GOLIM4: variants seen among roughly 807,000 people sequenced by gnomAD.
GOLIM4 encodes the protein golgi integral membrane protein 4, also known as 130 kDa golgi-localized phosphoprotein.
Under a neutral mutation model 107.4 loss-of-function variants are expected in GOLIM4, and 71 were observed. The ratio of observed to expected loss-of-function variants is 0.66; its 90% CI spans 0.55 to 0.81. The LOEUF is 0.81. Among genes scored for constraint, GOLIM4 ranks in the 30% least tolerant of loss-of-function variants. The probability of loss-of-function intolerance (pLI) is 0.00; values close to 1 mark genes in which losing one functional copy is unlikely to be tolerated. For missense variants in GOLIM4, 830 were observed against 826.1 expected, an observed-to-expected ratio of 1.00 and a Z score of -0.06; for synonymous variants, 327 against 294.8, an observed-to-expected ratio of 1.11 and a Z score of -1.12.
At chr3:168,049,622 A>G (rs1458210943) in intron 1 of GOLIM4, among the ~76,000 whole-genome samples, 1 of 152,104 alleles carries the variant, frequency 6.6e-6, no homozygotes, top group African/African-American at 2.4e-5. Flanking sequence ...AGCATCAATC[A>G]CTGGTTGACC....
At position 168,061,075 on chromosome 3, in the gene GOLIM4, T is replaced by C. The variant is rs575519259; in HGVS notation, c.188-12710A>G. 2.6e-5 allele frequency among the ~76,000 whole-genome samples: 4 copies of C among 151,974 alleles called. No homozygotes were observed. The South Asian group carries it at 8.3e-4, about 32-fold the overall frequency. On this transcript the variant is annotated intron_variant, in intron 1 of 15. Coordinates refer to ENST00000470487, the MANE Select transcript of GOLIM4 (RefSeq NM_014498.5). ...TGTTTGAATATAACATGACCTTCAG[T>C]TTTGCCAATAAAGCAAGCATATTAA...
At chr3:168,091,883 C>T (rs566439527) in intron 1 of GOLIM4, among the ~76,000 whole-genome samples, 1 of 152,290 alleles carries the variant, frequency 6.6e-6, no homozygotes, top group Non-Finnish European at 1.5e-5. Context: ...TAATCACATA[C>T]TCAGATAAAA....
At chr3:168,038,067 C>T (rs780009367) in intron 7 of GOLIM4, among the ~76,000 whole-genome samples, 5 of 152,136 alleles carry the variant, frequency 3.3e-5, no homozygotes, top group Admixed American at 6.6e-5. Flanking sequence ...GAGTGAGGTG[C>T]TTTTTTTGCT....
chr3:168,079,437 G>A (rs964054887), intron 1 of GOLIM4, among the ~76,000 whole-genome samples: 4 of 152,186 alleles, frequency 2.6e-5, no homozygotes, highest in African/African-American at 9.6e-5. Flanking sequence ...GTGCAAGAGA[G>A]CTTCTGGGGT....
At position 168,048,321 on chromosome 3, in the gene GOLIM4, C is replaced by A. The variant is rs780432781; in HGVS notation, c.232G>T (p.Glu78Ter). The A allele has an allele frequency of 6.5e-7, 1 of 1,536,560 alleles. No homozygotes were observed. ...TTTGCTTTTTTATGTTCAAGTCTTT[C>A]TTTTTGCAAGGATTTCTCTAATCTT... ...RSRLEKSLQK[E>*]RLEHKKAKED... is the part of the protein sequence containing the mutation. The change falls in exon 2 of 16, where the codon GAA becomes TAA. Residue 78 changes from glutamate to a stop codon, truncating the protein, a stop_gained. Transcript: ENST00000470487. LOFTEE classifies it high-confidence loss of function.
At chr3:168,057,558 C>A (rs759746554) in intron 1 of GOLIM4, among the ~76,000 whole-genome samples, 1 of 152,144 alleles carries the variant, frequency 6.6e-6, no homozygotes, top group Admixed American at 6.5e-5. Flanking sequence ...AACTCCCTCA[C>A]TATTACGAGA....
rs985287395 is a variant in GOLIM4, at chr3:168,024,679, C to A, written c.1792-85G>T. ...TACTCTGGGACAAAGAACAAGCATG[C>A]CACCATGAAAAGGGCACTTTCAAAG... is the stretch of plus-strand genomic sequence containing the variant. On this transcript the variant is annotated intron_variant, in intron 13 of 15. Transcript: ENST00000470487. The A allele has an allele frequency of 5.2e-6, 6 of 1,156,280 alleles. No homozygotes were observed. In the East Asian group the frequency reaches 7.0e-5, roughly 14 times the overall value. The allele number at this position is 1,156,280 out of a possible 1,614,324, so 71.6% of individuals were successfully genotyped here. A position where few individuals can be genotyped will look rare whatever the true frequency, so the allele number is the denominator to read the frequency against.
At chr3:168,088,594 A>G (rs1389763537) in intron 1 of GOLIM4, among the ~76,000 whole-genome samples, 1 of 152,184 alleles carries the variant, frequency 6.6e-6, no homozygotes, top group Admixed American at 6.5e-5. Context: ...TGCCCCAACC[A>G]GCTCTCCAGT....
At chr3:168,017,965 T>C (rs77433571) in intron 14 of GOLIM4, among the ~76,000 whole-genome samples, 2,073 of 152,306 alleles carry the variant, frequency 0.014, 36 homozygotes, top group African/African-American at 0.047. Context: ...TTGTGCTAAA[T>C]AGTCTCTATT....
At chr3:168,072,763 G>T (rs910259682) in intron 1 of GOLIM4, among the ~76,000 whole-genome samples, 1 of 151,868 alleles carries the variant, frequency 6.6e-6, no homozygotes, top group Non-Finnish European at 1.5e-5. Flanking sequence ...ATGAGAGGAA[G>T]GCAGAATTAT....
chr3:168,047,029 G>A (rs1489468280), intron 2 of GOLIM4, 30 bp from the exon 3 acceptor site: 1 of 1,012,480 alleles, frequency 9.9e-7, no homozygotes. Context: ...AAAAAACAGT[G>A]ATAATTCACT....
rs1577588363 is a variant in GOLIM4 at position 168,095,222 on chromosome 3, C to G, written c.64G>C (p.Val22Leu). The change falls in exon 1 of 16, where the codon GTC becomes CTC. Residue 22 changes from valine to leucine, a missense_variant. Physicochemically the swap from Val to Leu is conservative, Grantham distance 32. Coordinates refer to ENST00000470487, the MANE Select transcript of GOLIM4 (RefSeq NM_014498.5). Reference protein sequence around the residue: ...RIFQTLLLLTVVFGFLYGAML... With the variant: ...RIFQTLLLLTLVFGFLYGAML... ...GCGCCGTAGAGAAAGCCGAACACGACGGTCAGCAGCAGCAGCGTCTGGAAA... is the reference window on the plus strand; with the variant it reads ...GCGCCGTAGAGAAAGCCGAACACGAGGGTCAGCAGCAGCAGCGTCTGGAAA... The G allele has an allele frequency of 2.5e-6, 4 of 1,613,546 alleles. No individual in the cohort carries two copies. The highest frequency in any genetic ancestry group is 3.3e-5 in the Admixed American group (2 of 60,004).
chr3:168,053,782 A>G (rs1028889612), intron 1 of GOLIM4, among the ~76,000 whole-genome samples: 4 of 152,218 alleles, frequency 2.6e-5, no homozygotes, highest in African/African-American at 9.6e-5. Context: ...GGGTCAACAC[A>G]AAGTCAACAT....
chr3:168,082,470 A>T (rs908347564), intron 1 of GOLIM4, among the ~76,000 whole-genome samples: 2 of 152,172 alleles, frequency 1.3e-5, no homozygotes, highest in African/African-American at 4.8e-5. Flanking sequence ...CTACCATTCT[A>T]GGTAACTAGT....
intron 3 of GOLIM4, among the ~76,000 whole-genome samples, chr3:168,045,163 A>G (rs1011106529): frequency 3.9e-5 from 6 of 152,186 alleles, no homozygotes; most frequent in Admixed American, 6.5e-5. Flanking sequence ...CCACTTTCAT[A>G]TTCAGAAGAA....
intron 7 of GOLIM4, among the ~76,000 whole-genome samples, chr3:168,040,270 G>A (rs537679448): frequency 6.6e-6 from 1 of 152,184 alleles, no homozygotes; most frequent in Non-Finnish European, 1.5e-5. Flanking sequence ...TGAACAAATG[G>A]AGCTTATGAC....
At chr3:168,058,961 CAAGAGA>C (rs1560095932) in intron 1 of GOLIM4, among the ~76,000 whole-genome samples, 1 of 151,944 alleles carries the variant, frequency 6.6e-6, no homozygotes, top group African/African-American at 2.4e-5. Context: ...AAATTATGCA[CAAGAGA>C]AAAAGAGAGG....
At chr3:168,072,066 C>T (rs901538773) in intron 1 of GOLIM4, among the ~76,000 whole-genome samples, 1 of 152,122 alleles carries the variant, frequency 6.6e-6, no homozygotes, top group Non-Finnish European at 1.5e-5. Context: ...AATTCTGGTA[C>T]CACTCTGTGG....
chr3:168,011,029 A>AT (rs1196688395), intron 14 of GOLIM4, among the ~76,000 whole-genome samples: 14 of 152,210 alleles, frequency 9.2e-5, no homozygotes, highest in African/African-American at 3.4e-4. Flanking sequence ...GAAGAAATGT[A>AT]TAAGGGAGGA....
Sources: allele counts gnomAD v4.1 joint callset (sites outside exome capture counted in the v4.1 genomes callset), GRCh38; gene constraint gnomAD v4.1.1; transcripts MANE v1.5; gene names NCBI Gene and HGNC (gene_info 2026-07-23, HGNC 2026-07-21).